Variants in SMARCA2 observed in about 807,000 individuals in gnomAD.
SMARCA2 encodes the protein SWI/SNF-related matrix-associated actin-dependent regulator of chromatin subfamily A member 2.
Under a neutral mutation model 199.8 loss-of-function variants are expected in SMARCA2, and 61 were observed. The ratio of observed to expected loss-of-function variants is 0.31; its 90% confidence interval spans 0.25 to 0.38. The LOEUF is 0.38. SMARCA2 is among the 10% of genes least tolerant of loss of function. The probability of loss-of-function intolerance (pLI) is 1.00; values close to 1 mark genes in which losing one functional copy is unlikely to be tolerated. For synonymous variants in SMARCA2, 935 were observed against 732.0 expected (o/e 1.28, Z -4.48); for missense variants, 1,344 against 2,012.2 (o/e 0.67, Z 6.35).
chr9:2,166,989 C>G (rs1480497744), intron 28 of SMARCA2, among the ~76,000 whole-genome samples: 3 of 152,208 alleles, frequency 2.0e-5, no homozygotes, highest in Non-Finnish European at 2.9e-5. Context: ...TTTATCTTTT[C>G]TAAATAGCCC....
At position 2,115,257 on chromosome 9, in the gene SMARCA2, C is replaced by G. The variant is rs946877761; in HGVS notation, c.3457-565C>G. 2.0e-5 allele frequency among the ~76,000 whole-genome samples: 3 copies of G among 152,118 alleles called. No homozygotes were observed. The highest frequency in any genetic ancestry group is 2.9e-5 in the Non-Finnish European group (2 of 68,026). On this transcript the variant is annotated intron_variant, in intron 24 of 33. Coordinates refer to ENST00000349721, the MANE Select transcript of SMARCA2 (RefSeq NM_003070.5). The surrounding 1 kb of genome is among the most constrained non-coding windows in gnomAD (Gnocchi z 6.0). ...CCAGTTGACTACCCAACTAGCAATCCTTTTGATTTCCCAGATTGAAGACCG... is the reference window on the plus strand; with the variant it reads ...CCAGTTGACTACCCAACTAGCAATCGTTTTGATTTCCCAGATTGAAGACCG...
intron 5 of SMARCA2, among the ~76,000 whole-genome samples, chr9:2,054,379 C>A (rs1007294796): frequency 6.6e-6 from 1 of 152,184 alleles, no homozygotes; most frequent in Non-Finnish European, 1.5e-5. Context: ...ATGGAGGAAG[C>A]CACATTGTTA....
rs1819827278 is a variant in SMARCA2 at position 2,045,996 on chromosome 9, GAATA to G, written c.791-1229_791-1226del. ...TTCTAATTGGTGATTGTTGGAAATT[GAATA>G]AATGTGTTCAGTTTTTCATAATGTA... On this transcript the variant is annotated intron_variant, in intron 4 of 33. Coordinates refer to ENST00000349721, the MANE Select transcript of SMARCA2 (RefSeq NM_003070.5). The G allele has an allele frequency of 2.6e-5, 4 of 152,188 alleles. No homozygotes were observed. In the South Asian group the frequency reaches 8.3e-4, roughly 31 times the overall value. The allele number at this position is 152,188 out of a possible 1,614,324, so 9.4% of individuals were successfully genotyped here. A position where few individuals can be genotyped will look rare whatever the true frequency, so the allele number is the denominator to read the frequency against.
chr9:2,123,066 T>G lies in SMARCA2; in HGVS notation c.3763-653T>G, dbSNP rs1823535661. Among the ~76,000 whole-genome samples, 1 of 152,194 alleles carries G rather than the reference T, an allele frequency of 6.6e-6. No individual in the cohort carries two copies. The highest frequency in any genetic ancestry group is 2.4e-5 in the African/African-American group (1 of 41,448). On this transcript the variant is annotated intron_variant, in intron 26 of 33. Coordinates refer to ENST00000349721, the MANE Select transcript of SMARCA2 (RefSeq NM_003070.5). The surrounding 1 kb of genome is among the most constrained non-coding windows in gnomAD (Gnocchi z 4.1). ...AGCTCTCTCTGTCTGTGGTATAATA[T>G]ATTCATAAGAGCACAAAGCTTAAAA...
Position 2,056,871 on chromosome 9 carries a change from C to T in SMARCA2, c.1347+26C>T, listed in dbSNP as rs779871904. The T allele has an allele frequency of 3.7e-6, 6 of 1,604,074 alleles. No homozygotes were observed. The highest frequency in any genetic ancestry group is 3.3e-4 in the Middle Eastern group (2 of 6,006). Reference sequence around the variant, plus strand: ...GTTCTTAGACCCTGGGCTTTGCTCACCCTCACTTTGGCAGAGCTGTCCAAT... The same window carrying T: ...GTTCTTAGACCCTGGGCTTTGCTCATCCTCACTTTGGCAGAGCTGTCCAAT... On this transcript the variant is annotated intron_variant, in intron 7 of 33. Transcript: ENST00000349721. The surrounding 1 kb of genome is among the most constrained non-coding windows in gnomAD (Gnocchi z 4.0).
At chr9:2,101,020 T>A (rs900533411) in intron 21 of SMARCA2, among the ~76,000 whole-genome samples, 2 of 152,112 alleles carry the variant, frequency 1.3e-5, no homozygotes, top group African/African-American at 2.4e-5. Flanking sequence ...GTGAGACTTA[T>A]TCACAACCAT....
At chr9:2,041,603 C>G (rs1186399290) in intron 4 of SMARCA2, 1 of 391,998 alleles carries the variant, frequency 2.6e-6, no homozygotes, top group African/African-American at 2.1e-5. Flanking sequence ...GGACCATAAA[C>G]TTTCAGACCA....
intron 2 of SMARCA2, among the ~76,000 whole-genome samples, chr9:2,031,332 G>A (rs1819062572): frequency 6.6e-6 from 1 of 152,124 alleles, no homozygotes. Context: ...TCCAAGTCCT[G>A]AAATTGTTTT....
intron 27 of SMARCA2, among the ~76,000 whole-genome samples, chr9:2,127,597 A>G (rs1010008577): frequency 6.6e-6 from 1 of 152,180 alleles, no homozygotes; most frequent in Non-Finnish European, 1.5e-5. Flanking sequence ...AGTAGTGGGT[A>G]TGGAAGTCTA....
At chr9:2,109,792 T>C (rs12336319) in intron 23 of SMARCA2, among the ~76,000 whole-genome samples, 24,007 of 152,228 alleles carry the variant, frequency 0.16, 2,949 homozygotes, top group East Asian at 0.36. Context: ...CTTTCCTTTT[T>C]TTTCTATTTT....
chr9:2,030,577 A>G (rs926866025), intron 2 of SMARCA2, among the ~76,000 whole-genome samples: 10 of 134,292 alleles, frequency 7.4e-5, no homozygotes, highest in Non-Finnish European at 1.3e-4. Context: ...CAGGCCCTCC[A>G]TGGATTTTGG....
In SMARCA2 at chr9:2,123,666, C is replaced by T; in HGVS notation, c.3763-53C>T. ...GGGAAGTTGTGTAGTGCTGGGAAGT[C>T]TGCACCATACAGAAGCCCTGACTTT... On this transcript the variant is annotated intron_variant, in intron 26 of 33. Coordinates refer to ENST00000349721, the MANE Select transcript of SMARCA2 (RefSeq NM_003070.5). This position sits in a 1 kb window ranked among gnomAD's most constrained non-coding sequence, Gnocchi z 4.1. 2 of 1,504,904 alleles carry T rather than the reference C, an allele frequency of 1.3e-6. No individual in the cohort carries two copies. Among genetic ancestry groups the T allele is most frequent in the East Asian group, 2.3e-5 (1 of 44,050 alleles). The allele number at this position is 1,504,904 out of a possible 1,614,324, so 93.2% of individuals were successfully genotyped here. A position where few individuals can be genotyped will look rare whatever the true frequency, so the allele number is the denominator to read the frequency against.
In SMARCA2 at chr9:2,155,985, GAAA is replaced by G. The variant is rs1481758259; in HGVS notation, c.3982-5696_3982-5694del. ...TCAGTTTATTGAACCACAGTCGGAG[GAAA>G]AAAACTATATCCAAAAAAGTCCTTA... On this transcript the variant is annotated intron_variant, in intron 27 of 33. Transcript: ENST00000349721. Among the ~76,000 whole-genome samples, 5 of 151,902 alleles carry G rather than the reference GAAA, an allele frequency of 3.3e-5. No individual in the cohort carries two copies. The South Asian group carries it at 1.0e-3, about 31-fold the overall frequency.
At chr9:2,153,189 C>T (rs751795030) in intron 27 of SMARCA2, among the ~76,000 whole-genome samples, 1 of 152,148 alleles carries the variant, frequency 6.6e-6, no homozygotes. Context: ...ATAGAAAAGA[C>T]GTGTATTCTA....
intron 1 of SMARCA2, chr9:2,018,117 C>T (rs1818442494): frequency 6.6e-6 from 1 of 152,218 alleles, no homozygotes; most frequent in African/African-American, 2.4e-5. Context: ...AGGTTTTACT[C>T]CAGCAATAAA....
At chr9:2,054,896 A>G (rs1220296710) in intron 6 of SMARCA2, among the ~76,000 whole-genome samples, 173 bp downstream of exon 6, 1 of 152,256 alleles carries the variant, frequency 6.6e-6, no homozygotes, top group East Asian at 1.9e-4. Context: ...AATGATGAAG[A>G]TGAACTGCTT....
intron 28 of SMARCA2, among the ~76,000 whole-genome samples, chr9:2,163,183 G>C (rs1478249692): frequency 6.6e-6 from 1 of 152,228 alleles, no homozygotes; most frequent in Non-Finnish European, 1.5e-5. Flanking sequence ...CAGAAATGGG[G>C]AAAGAGGAGT....
chr9:2,128,010 C>T (rs1422860507), intron 27 of SMARCA2, among the ~76,000 whole-genome samples: 3 of 151,934 alleles, frequency 2.0e-5, no homozygotes, highest in Non-Finnish European at 4.4e-5. Context: ...TTCCTATTTC[C>T]ACTGAGGAAA....
chr9:2,019,368 T>C (rs1167684019), intron 1 of SMARCA2, among the ~76,000 whole-genome samples: 1 of 152,160 alleles, frequency 6.6e-6, no homozygotes, highest in East Asian at 1.9e-4. Context: ...ACAGAAAATA[T>C]TCACCACAAG....
Sources: gnomAD v4.1 joint callset for allele counts (sites outside exome capture counted in the v4.1 genomes callset) on GRCh38, gnomAD v4.1.1 for gene constraint, Gnocchi (gnomAD v3.1) non-coding constraint, MANE v1.5 for transcripts, NCBI Gene and HGNC (gene_info 2026-07-23, HGNC 2026-07-21) for gene names.